Variants in SYNE1 observed in about 807,000 individuals in gnomAD.
SYNE1 encodes the protein spectrin repeat containing nuclear envelope protein 1.
In SYNE1, 616 loss-of-function variants were observed where a neutral mutation model predicts 1,111.0. The ratio of observed to expected loss-of-function variants is 0.55; its 90% CI spans 0.52 to 0.59. The LOEUF (loss-of-function observed/expected upper bound fraction) is 0.59, where lower values mean the gene tolerates loss of function less well. Among genes scored for constraint, SYNE1 ranks in the 20% least tolerant of loss-of-function variants. The pLI is 0.00. For synonymous variants in SYNE1, 3,855 were observed against 3,825.8 expected, an observed-to-expected ratio of 1.01 and a Z score of -0.28; for missense variants, 10,006 against 10,417.0, an observed-to-expected ratio of 0.96 and a Z score of 1.72.
At position 152,381,178 on chromosome 6, in the gene SYNE1, T is replaced by C. The variant is rs1477474827; in HGVS notation, c.8837A>G (p.Asn2946Ser). ...SVFQTQSCLE[N>S]LVSQMALSEQ... ...CGAAAGGGCCATCTGGCTGACCAGG[T>C]TCTCCAAACAGCTCTGCGTTTGGAA... is the stretch of plus-strand genomic sequence containing the variant. The change falls in exon 56 of 146, where the codon AAC becomes AGC. Residue 2946 changes from asparagine to serine, a missense_variant. Asn to Ser is a conservative substitution (Grantham distance 46). Around this residue, in one of 7 missense-constraint regions of SYNE1, gnomAD observed 4,955 missense variants for 5,017.2 expected, o/e 0.99. Coordinates refer to ENST00000367255, the MANE Select transcript of SYNE1 (RefSeq NM_182961.4). The C allele has an allele frequency of 6.2e-7, 1 of 1,614,234 alleles. No homozygotes were observed. Among genetic ancestry groups the C allele is most frequent in the South Asian group, 1.1e-5 (1 of 91,088 alleles).
At chr6:152,247,854 TAACA>T (rs1253317223) in intron 105 of SYNE1, among the ~76,000 whole-genome samples, 216 of 133,672 alleles carry the variant, frequency 1.6e-3, no homozygotes, top group Middle Eastern at 4.1e-3. Flanking sequence ...AGGTGTTCTT[TAACA>T]CACACACACA....
chr6:152,382,638 T>C (rs2097441739), intron 55 of SYNE1, among the ~76,000 whole-genome samples: 1 of 152,180 alleles, frequency 6.6e-6, no homozygotes, highest in Non-Finnish European at 1.5e-5. Flanking sequence ...TTTATTAGTG[T>C]GTATAGTAGT....
chr6:152,360,352 G>A (rs547283749), intron 64 of SYNE1, among the ~76,000 whole-genome samples: 21 of 152,188 alleles, frequency 1.4e-4, no homozygotes, highest in Admixed American at 8.5e-4. Context: ...CACAGGGCCC[G>A]AGGACCTGCT....
rs370080355 is a variant in SYNE1, at chr6:152,483,235, A to T, written c.1200T>A (p.His400Gln). ...CAGGAAGAGATTTATCAAGCTGTAT[A>T]TGCCAGTCAAAGAGCTAAAATTTAA... ...DRVTSRLFDW[H>Q]IQLDKSLPAP... Residue 400 changes from histidine to glutamine, a missense_variant, in exon 14 of 146, where the codon CAT becomes CAA. His to Gln is a conservative substitution (Grantham distance 24). Around this residue, in one of 7 missense-constraint regions of SYNE1, gnomAD observed 1,971 missense variants for 2,084.1 expected, o/e 0.95. Coordinates refer to ENST00000367255, the MANE Select transcript of SYNE1 (RefSeq NM_182961.4). 6.2e-7 allele frequency: 1 copy of T among 1,614,082 alleles called. No individual in the cohort carries two copies. Among genetic ancestry groups the T allele is most frequent in the African/African-American group, 1.3e-5 (1 of 74,954 alleles).
At chr6:152,175,366 C>A (rs1282459031) in intron 130 of SYNE1, among the ~76,000 whole-genome samples, 1 of 152,114 alleles carries the variant, frequency 6.6e-6, no homozygotes, top group East Asian at 1.9e-4. Flanking sequence ...TTGTGGTGCC[C>A]ACATGCGGTT....
chr6:152,259,662 A>G (rs1425121891), intron 101 of SYNE1, among the ~76,000 whole-genome samples: 5 of 152,102 alleles, frequency 3.3e-5, no homozygotes, highest in Admixed American at 6.5e-5. Flanking sequence ...TGACCTCACC[A>G]CAACGTTGTT....
chr6:152,442,141 C>G lies in SYNE1; in HGVS notation c.3942G>C (p.Leu1314=). ...CATCCAGTGTGCTCTCCAGCTTCCG[C>G]AGCTCCTCGTGGCCTCGGTCAGGCA... ...GGLPDRGHEE[L]RKLESTLDGL... The change falls in exon 31 of 146, where the codon CTG becomes CTC. Residue 1314 remains leucine, a synonymous_variant. Transcript: ENST00000367255. 6.2e-7 allele frequency: 1 copy of G among 1,613,944 alleles called. No individual in the cohort carries two copies. Among genetic ancestry groups the G allele is most frequent in the South Asian group, 1.1e-5 (1 of 91,084 alleles).
intron 3 of SYNE1, among the ~76,000 whole-genome samples, chr6:152,623,995 G>A (rs2099681051): frequency 6.6e-6 from 1 of 151,914 alleles, no homozygotes; most frequent in South Asian, 2.1e-4. Context: ...AAAGGTTTAA[G>A]GTTTTTATTA....
intron 5 of SYNE1, among the ~76,000 whole-genome samples, chr6:152,525,448 C>T (rs1021618030): frequency 1.3e-5 from 2 of 152,062 alleles, no homozygotes; most frequent in African/African-American, 2.4e-5. Context: ...CTACTTAATG[C>T]TCTACTACTC....
chr6:152,622,458 C>T (rs925968783), intron 3 of SYNE1, among the ~76,000 whole-genome samples: 8 of 152,032 alleles, frequency 5.3e-5, no homozygotes, highest in African/African-American at 4.8e-5. Flanking sequence ...TCTGTTGTTC[C>T]CCTCTATGTG....
intron 87 of SYNE1, among the ~76,000 whole-genome samples, chr6:152,312,274 A>C (rs1008176964): frequency 3.5e-5 from 5 of 144,804 alleles, no homozygotes; most frequent in Non-Finnish European, 3.0e-5. Flanking sequence ...CAATGGCGTG[A>C]TCTCGGCTCA....
intron 128 of SYNE1, among the ~76,000 whole-genome samples, chr6:152,188,913 G>A (rs1227997074): frequency 1.1e-4 from 14 of 129,234 alleles, no homozygotes; most frequent in African/African-American, 3.8e-4. Flanking sequence ...AGCCGAGATT[G>A]TGCCACTGCA....
chr6:152,336,646 G>A (rs539120097), intron 76 of SYNE1, 195 bp downstream of exon 76: 17 of 700,654 alleles, frequency 2.4e-5, no homozygotes, highest in South Asian at 6.4e-5. Context: ...CCCACTGTGC[G>A]GCCAGGTTCC....
chr6:152,369,682 G>A, intron 59 of SYNE1, 68 bp from the exon 60 acceptor site: 1 of 1,581,884 alleles, frequency 6.3e-7, no homozygotes, highest in East Asian at 2.3e-5. Context: ...TCCTTCACTT[G>A]GCATTCAAAG....
At chr6:152,405,373 C>T (rs999342953) in intron 45 of SYNE1, among the ~76,000 whole-genome samples, 4 of 152,248 alleles carry the variant, frequency 2.6e-5, no homozygotes, top group African/African-American at 2.4e-5. Context: ...GCATTTACCA[C>T]CATGGTAAGC....
chr6:152,596,016 AC>A (rs1252902449), intron 3 of SYNE1, among the ~76,000 whole-genome samples: 3 of 147,500 alleles, frequency 2.0e-5, no homozygotes, highest in Non-Finnish European at 4.5e-5. Flanking sequence ...GAGGGCTCGA[AC>A]CAAGGGGTTG....
chr6:152,344,032 C>A (rs538201876), intron 74 of SYNE1, 49 bp downstream of exon 74: 1 of 1,612,378 alleles, frequency 6.2e-7, no homozygotes. Flanking sequence ...TTTTCACTGA[C>A]GCTCTGAATG....
intron 104 of SYNE1, among the ~76,000 whole-genome samples, chr6:152,253,736 A>G (rs1014796900): frequency 6.7e-6 from 1 of 148,546 alleles, no homozygotes; most frequent in Non-Finnish European, 1.5e-5. Flanking sequence ...AAGAATGTAG[A>G]CTACCAGAAG....
chr6:152,442,780 AC>A (rs2098543744), intron 30 of SYNE1, among the ~76,000 whole-genome samples: 1 of 152,108 alleles, frequency 6.6e-6, no homozygotes, highest in African/African-American at 2.4e-5. Context: ...CCCTGTTTCT[AC>A]AAAAATATTA....
Sources: gnomAD v4.1 joint callset for allele counts (sites outside exome capture counted in the v4.1 genomes callset) on GRCh38, gnomAD v4.1.1 for gene constraint, gnomAD v4.1.1 regional missense constraint, MANE v1.5 for transcripts, NCBI Gene and HGNC (gene_info 2026-07-23, HGNC 2026-07-21) for gene names.